Variants in NCKAP5 observed in about 807,000 individuals in gnomAD.
NCKAP5 encodes nck-associated protein 5.
A neutral mutation model predicts 167.0 loss-of-function variants in NCKAP5; 92 were observed. The ratio of observed to expected loss-of-function variants is 0.55; its 90% CI spans 0.47 to 0.66. The LOEUF is 0.66. Ranked by LOEUF, NCKAP5 falls within the 30% of genes least tolerant of loss-of-function variation. The pLI is 0.00. For missense variants in NCKAP5, 2,378 were observed against 2,315.0 expected (o/e 1.03, Z -0.56); for synonymous variants, 891 against 877.4 (o/e 1.02, Z -0.27).
At chr2:133,289,874 T>A (rs1277885934) in intron 4 of NCKAP5, among the ~76,000 whole-genome samples, 1 of 152,118 alleles carries the variant, frequency 6.6e-6, no homozygotes, top group Admixed American at 6.5e-5. Context: ...AGCAGGCACA[T>A]CTTACATGGC....
chr2:132,782,620 G>A lies in NCKAP5; in HGVS notation c.4191C>T (p.Pro1397=). The A allele has an allele frequency of 6.3e-7, 1 of 1,598,626 alleles. No homozygotes were observed. Among genetic ancestry groups the A allele is most frequent in the Non-Finnish European group, 8.5e-7 (1 of 1,172,232 alleles). ...DQQAFTQGEC[P]SANVAVLGEP... is the part of the protein sequence containing the mutation. ...CCCCAAGTACAGCCACATTGGCACT[G>A]GGGCACTCTCCCTGGGTGAAGGCCT... is the stretch of plus-strand genomic sequence containing the variant. Residue 1397 remains proline (P), a synonymous_variant, in exon 14 of 20, where the codon CCC becomes CCT. Coordinates refer to ENST00000409261, the MANE Select transcript of NCKAP5 (RefSeq NM_207363.3).
chr2:133,258,119 T>C (rs1008088220), intron 4 of NCKAP5, among the ~76,000 whole-genome samples: 1 of 152,194 alleles, frequency 6.6e-6, no homozygotes, highest in Admixed American at 6.5e-5. Context: ...ATTTGGACTA[T>C]ACAGTGCCCA....
chr2:132,983,274 CT>C (rs1314176551), intron 7 of NCKAP5, among the ~76,000 whole-genome samples: 3 of 152,176 alleles, frequency 2.0e-5, no homozygotes, highest in African/African-American at 7.2e-5. Flanking sequence ...TTGATGACTT[CT>C]TTTCCTGTTT....
intron 4 of NCKAP5, chr2:133,267,366 T>C (rs1368806328): frequency 6.6e-6 from 1 of 152,184 alleles, no homozygotes; most frequent in Non-Finnish European, 1.5e-5. Flanking sequence ...GGTCTCTTAA[T>C]CTTATCATGG....
chr2:132,711,234 C>A (rs148195744), intron 19 of NCKAP5, among the ~76,000 whole-genome samples: 4 of 152,164 alleles, frequency 2.6e-5, no homozygotes, highest in Admixed American at 1.3e-4. Flanking sequence ...AAAAGCTTTC[C>A]ATTACTGTCT....
intron 1 of NCKAP5, among the ~76,000 whole-genome samples, chr2:133,562,546 G>C (rs1208636719): frequency 1.3e-5 from 2 of 152,142 alleles, no homozygotes; most frequent in Admixed American, 6.5e-5. Flanking sequence ...AGTAACACTT[G>C]TTCCCACATT....
chr2:132,866,088 C>A (rs528476799), intron 10 of NCKAP5, among the ~76,000 whole-genome samples: 1 of 152,216 alleles, frequency 6.6e-6, no homozygotes, highest in South Asian at 2.1e-4. Context: ...CCATACCCAG[C>A]TTTATTCCAT....
chr2:132,709,145 A>ACCCC (rs200395347), intron 19 of NCKAP5, among the ~76,000 whole-genome samples: 5 of 141,286 alleles, frequency 3.5e-5, no homozygotes, highest in African/African-American at 1.6e-4. Flanking sequence ...CATAATATCT[A>ACCCC]CACCCCCCCA....
chr2:132,767,117 G>A (rs970760428), intron 16 of NCKAP5, among the ~76,000 whole-genome samples: 16 of 152,156 alleles, frequency 1.1e-4, no homozygotes, highest in Admixed American at 3.3e-4. Flanking sequence ...TTTTTTCCCC[G>A]GCAATGATTC....
chr2:132,807,491 T>A (rs1008562608), intron 11 of NCKAP5, among the ~76,000 whole-genome samples: 3 of 152,184 alleles, frequency 2.0e-5, no homozygotes, highest in Non-Finnish European at 4.4e-5. Context: ...GTTAGGTATA[T>A]TCCTAAGTAT....
intron 6 of NCKAP5, among the ~76,000 whole-genome samples, chr2:133,127,200 T>G (rs1013421205): frequency 1.3e-5 from 2 of 152,210 alleles, no homozygotes; most frequent in African/African-American, 2.4e-5. Flanking sequence ...TATTGAGAAT[T>G]TTTCAAAGAC....
chr2:133,157,295 A>G (rs2083611304), intron 5 of NCKAP5, among the ~76,000 whole-genome samples: 2 of 152,206 alleles, frequency 1.3e-5, no homozygotes, highest in African/African-American at 2.4e-5. Flanking sequence ...GAACAGTGCA[A>G]TAATAAGCAT....
At chr2:133,027,192 C>T (rs1016405686) in intron 6 of NCKAP5, among the ~76,000 whole-genome samples, 1 of 152,154 alleles carries the variant, frequency 6.6e-6, no homozygotes, top group South Asian at 2.1e-4. Context: ...ACATGACAAG[C>T]GTCAAGGTCT....
In NCKAP5 at chr2:132,781,124, A is replaced by G. The variant is rs765686042; in HGVS notation, c.4977T>C (p.Ser1659=). 9.3e-5 allele frequency: 150 copies of G among 1,613,750 alleles called. No individual in the cohort carries two copies. The highest frequency in any genetic ancestry group is 1.1e-4 in the Non-Finnish European group (134 of 1,179,854). ...TCTTGTGGTTTCCTTGAGTACTGAT[A>G]GAGCTGCCGATGAGACAGGAGCCCT... is the stretch of plus-strand genomic sequence containing the variant. ...SSQGSCLIGS[S]ISTQGNHKKN... is the part of the protein sequence containing the mutation. Residue 1659 remains serine (S), a synonymous_variant, in exon 15 of 20, where the codon TCT becomes TCC. Transcript: ENST00000409261.
intron 3 of NCKAP5, among the ~76,000 whole-genome samples, chr2:133,310,085 CG>C (rs769336159): frequency 7.9e-5 from 12 of 151,986 alleles, no homozygotes; most frequent in Non-Finnish European, 1.6e-4. Context: ...AATTTTTAAG[CG>C]GGGGAGGGCA....
At chr2:133,654,824 T>C in the NCKAP5 span, among the ~76,000 whole-genome samples, 5 of 152,304 alleles carry the variant, frequency 3.3e-5, no homozygotes, top group African/African-American at 9.6e-5. Context: ...CTTCTTTACA[T>C]CGAAGAGCTT....
chr2:132,970,047 G>T (rs2076787018), intron 7 of NCKAP5, among the ~76,000 whole-genome samples: 1 of 152,190 alleles, frequency 6.6e-6, no homozygotes, highest in Non-Finnish European at 1.5e-5. Context: ...TGGAGACAGA[G>T]GTAGAGGAAA....
At chr2:133,409,463 A>C (rs776510733) in intron 3 of NCKAP5, among the ~76,000 whole-genome samples, 1 of 152,232 alleles carries the variant, frequency 6.6e-6, no homozygotes, top group Non-Finnish European at 1.5e-5. Context: ...TTCAGGTGAC[A>C]TCCCTAAAGG....
intron 3 of NCKAP5, among the ~76,000 whole-genome samples, chr2:133,307,953 A>G (rs2150592678): frequency 6.9e-6 from 1 of 145,574 alleles, no homozygotes; most frequent in African/African-American, 2.5e-5. Context: ...CCCAGAGAGA[A>G]AAAGTGGAAT....
Sources: gnomAD v4.1 joint callset for allele counts (sites outside exome capture counted in the v4.1 genomes callset) on GRCh38, gnomAD v4.1.1 for gene constraint, MANE v1.5 for transcripts, NCBI Gene and HGNC (gene_info 2026-07-23, HGNC 2026-07-21) for gene names.